The following LRP1B variants were observed in gnomAD, a reference collection of about 807,000 sequenced individuals.
The protein encoded by LRP1B is low-density lipoprotein receptor-related protein 1B.
LRP1B carries 217 observed loss-of-function variants against 556.6 expected under a neutral mutation model. That is an observed-to-expected ratio of 0.39 (90% CI 0.35 to 0.44). LRP1B has a LOEUF of 0.44. LRP1B is among the 20% of genes least tolerant of loss of function. The pLI, the probability that LRP1B is intolerant of heterozygous loss-of-function variation, is 1.00. For synonymous variants in LRP1B, 2,047 were observed against 1,865.8 expected, an observed-to-expected ratio of 1.10 and a Z score of -2.50; for missense variants, 5,053 against 5,620.8, an observed-to-expected ratio of 0.90 and a Z score of 3.23.
intron 7 of LRP1B, 142 bp downstream of exon 7, chr2:141,188,279 C>A: frequency 1.3e-6 from 1 of 767,896 alleles, no homozygotes; most frequent in South Asian, 1.8e-5. Context: ...TTTTTTCCTT[C>A]CTGCGACACA....
intron 53 of LRP1B, among the ~76,000 whole-genome samples, chr2:140,504,877 C>T (rs1047166192): frequency 1.3e-5 from 2 of 152,200 alleles, no homozygotes; most frequent in Admixed American, 6.5e-5. Context: ...GGCTCCTTTG[C>T]TCCATGGCAG....
chr2:141,199,078 T>G, intron 6 of LRP1B, among the ~76,000 whole-genome samples: 1 of 152,142 alleles, frequency 6.6e-6, no homozygotes, highest in Middle Eastern at 3.2e-3. Flanking sequence ...AAAACATAAA[T>G]TATACCATGA....
At chr2:141,783,489 T>G (rs1332961742) in intron 2 of LRP1B, among the ~76,000 whole-genome samples, 1 of 152,084 alleles carries the variant, frequency 6.6e-6, no homozygotes, top group African/African-American at 2.4e-5. Context: ...AAGTTTCACA[T>G]GCTGAATCTC....
intron 72 of LRP1B, among the ~76,000 whole-genome samples, chr2:140,360,989 TC>T (rs371434078): frequency 1.3e-5 from 2 of 151,476 alleles, no homozygotes; most frequent in African/African-American, 2.4e-5. Context: ...TTGCAACAAC[TC>T]TTCAGCTTTA....
intron 3 of LRP1B, among the ~76,000 whole-genome samples, chr2:141,469,624 T>C (rs1044858584): frequency 6.6e-6 from 1 of 152,186 alleles, no homozygotes; most frequent in African/African-American, 2.4e-5. Flanking sequence ...AAAAATAGTA[T>C]TTTTTACAAT....
intron 35 of LRP1B, among the ~76,000 whole-genome samples, chr2:140,743,904 T>A (rs1244402489): frequency 7.2e-6 from 1 of 138,438 alleles, no homozygotes; most frequent in Admixed American, 8.4e-5. Flanking sequence ...GAGGGGGATG[T>A]TGCAGTGAGC....
chr2:140,961,511 A>T (rs1696033785), intron 18 of LRP1B, among the ~76,000 whole-genome samples: 1 of 152,108 alleles, frequency 6.6e-6, no homozygotes, highest in Admixed American at 6.6e-5. Flanking sequence ...AAATATTTAA[A>T]AAGAAAGAGT....
chr2:140,265,200 T>C (rs1334494744), intron 86 of LRP1B, among the ~76,000 whole-genome samples: 1 of 152,144 alleles, frequency 6.6e-6, no homozygotes, highest in African/African-American at 2.4e-5. Context: ...AGCTCAATAA[T>C]TCTTCACAGT....
At chr2:140,589,303 G>GT (rs1456473590) in intron 43 of LRP1B, among the ~76,000 whole-genome samples, 1 of 151,920 alleles carries the variant, frequency 6.6e-6, no homozygotes, top group Non-Finnish European at 1.5e-5. Flanking sequence ...CAACAAAAAA[G>GT]TATCATCTAG....
intron 1 of LRP1B, among the ~76,000 whole-genome samples, chr2:141,997,413 ATATGTGTG>A (rs1189682659): frequency 1.9e-4 from 4 of 21,034 alleles, no homozygotes; most frequent in East Asian, 2.0e-3. Flanking sequence ...ATAAATGTAT[ATATGTGTG>A]TGTGTGTGTG....
chr2:141,082,172 A>G (rs1007764516), intron 7 of LRP1B, among the ~76,000 whole-genome samples: 2 of 152,198 alleles, frequency 1.3e-5, no homozygotes, highest in African/African-American at 4.8e-5. Flanking sequence ...GAAATAGCAC[A>G]CTGAGAATCT....
At chr2:141,066,081 CA>C (rs1411701069) in intron 7 of LRP1B, among the ~76,000 whole-genome samples, 1 of 151,964 alleles carries the variant, frequency 6.6e-6, no homozygotes, top group Non-Finnish European at 1.5e-5. Flanking sequence ...TTTCCACTAA[CA>C]AAAATTAATA....
chr2:140,883,157 G>C (rs111969568), intron 25 of LRP1B, among the ~76,000 whole-genome samples: 3,387 of 152,186 alleles, frequency 0.022, 49 homozygotes, highest in Non-Finnish European at 0.033. Context: ...GGGCAGGAAC[G>C]GGAACCCATA....
At chr2:140,785,232 G>A (rs1032586987) in intron 32 of LRP1B, among the ~76,000 whole-genome samples, 2 of 152,160 alleles carry the variant, frequency 1.3e-5, no homozygotes, top group Non-Finnish European at 2.9e-5. Flanking sequence ...AGACAGCATT[G>A]TCTTGATAAA....
At chr2:140,323,306 T>TAGAA (rs1680258271) in intron 81 of LRP1B, among the ~76,000 whole-genome samples, 5 of 152,000 alleles carry the variant, frequency 3.3e-5, no homozygotes, top group African/African-American at 1.2e-4. Context: ...CACTCCTTTC[T>TAGAA]AGGAGGGAGA....
chr2:141,547,816 T>C (rs541776080), intron 2 of LRP1B, among the ~76,000 whole-genome samples: 1 of 152,134 alleles, frequency 6.6e-6, no homozygotes, highest in African/African-American at 2.4e-5. Flanking sequence ...TAATTTATTA[T>C]AGTAAGTGTG....
Position 140,671,606 on chromosome 2 carries a change from C to T in LRP1B, c.6799+28644G>A, listed in dbSNP as rs551515209. On this transcript the variant is annotated intron_variant, in intron 41 of 90. Transcript: ENST00000389484. ...GCACATTCCTTGGCCTCTTTCTCCA[C>T]CTTCAGGTGCATTACTCGCACATCT... Among the ~76,000 whole-genome samples, 6 of 152,314 alleles carry T rather than the reference C, an allele frequency of 3.9e-5. No individual in the cohort carries two copies. The South Asian group carries it at 1.2e-3, about 32-fold the overall frequency.
intron 1 of LRP1B, among the ~76,000 whole-genome samples, chr2:142,128,795 G>A (rs1273001741): frequency 6.6e-6 from 1 of 152,102 alleles, no homozygotes; most frequent in Non-Finnish European, 1.5e-5. Flanking sequence ...TTCTATCTTA[G>A]ATGTTCCTCT....
At chr2:141,406,977 G>C (rs1018920228) in intron 3 of LRP1B, among the ~76,000 whole-genome samples, 1 of 151,864 alleles carries the variant, frequency 6.6e-6, no homozygotes, top group Admixed American at 6.6e-5. Context: ...GCATTTTAAG[G>C]GCATTTTAGA....
Sources: allele counts gnomAD v4.1 joint callset (sites outside exome capture counted in the v4.1 genomes callset), GRCh38; gene constraint gnomAD v4.1.1; transcripts MANE v1.5; gene names NCBI Gene and HGNC (gene_info 2026-07-23, HGNC 2026-07-21).